The following MAP2K5 variants were observed in gnomAD, a reference collection of about 807,000 sequenced individuals.
MAP2K5 encodes the protein dual specificity mitogen-activated protein kinase kinase 5.
A neutral mutation model predicts 83.1 loss-of-function variants in MAP2K5; 49 were observed. That is an observed-to-expected ratio of 0.59 (90% CI 0.47 to 0.75). The LOEUF (loss-of-function observed/expected upper bound fraction) is 0.75, where lower values mean the gene tolerates loss of function less well. Ranked by LOEUF, MAP2K5 falls within the 30% of genes least tolerant of loss-of-function variation. The probability of loss-of-function intolerance (pLI) is 0.00; values close to 1 mark genes in which losing one functional copy is unlikely to be tolerated. For synonymous variants in MAP2K5, 202 were observed against 191.8 expected, an observed-to-expected ratio of 1.05 and a Z score of -0.44; for missense variants, 457 against 557.5, an observed-to-expected ratio of 0.82 and a Z score of 1.82.
chr15:67,707,247 G>A (rs2088578581), intron 16 of MAP2K5, among the ~76,000 whole-genome samples: 1 of 152,086 alleles, frequency 6.6e-6, no homozygotes, highest in African/African-American at 2.4e-5. Context: ...TCAATATAAT[G>A]AGAACATTAC....
At chr15:67,590,689 A>C (rs1229657496) in intron 6 of MAP2K5, among the ~76,000 whole-genome samples, 1 of 151,990 alleles carries the variant, frequency 6.6e-6, no homozygotes, top group Middle Eastern at 3.2e-3. Context: ...CCTGGGCTCA[A>C]GCGATCCTCC....
intron 6 of MAP2K5, among the ~76,000 whole-genome samples, chr15:67,589,337 C>G (rs1485547010): frequency 6.6e-6 from 1 of 152,012 alleles, no homozygotes; most frequent in Non-Finnish European, 1.5e-5. Context: ...CTCTATTACT[C>G]TCAAAGCATG....
rs572828482 is a variant in MAP2K5 at position 67,636,910 on chromosome 15, G to A, written c.585+5983G>A. ...AGGCAGACCCACCTGCAATCTGGGTGGGCACCATCTAATCAGCTGCCAGTG... is the reference window on the plus strand; with the variant it reads ...AGGCAGACCCACCTGCAATCTGGGTAGGCACCATCTAATCAGCTGCCAGTG... On this transcript the variant is annotated intron_variant, in intron 9 of 21. Coordinates refer to ENST00000178640, the MANE Select transcript of MAP2K5 (RefSeq NM_145160.3). This position sits in a 1 kb window ranked among gnomAD's most constrained non-coding sequence, Gnocchi z 4.7. Among the ~76,000 whole-genome samples the A allele has an allele frequency of 1.3e-5, 2 of 152,258 alleles. No homozygotes were observed. The highest frequency in any genetic ancestry group is 4.8e-5 in the African/African-American group (2 of 41,546).
In MAP2K5 at chr15:67,640,628, G is replaced by T. The variant is rs2086690816; in HGVS notation, c.586-5603G>T. 1.0e-6 allele frequency: 1 copy of T among 981,332 alleles called. No individual in the cohort carries two copies. The highest frequency in any genetic ancestry group is 1.2e-6 in the Non-Finnish European group (1 of 826,280). The allele number at this position is 981,332 out of a possible 1,614,324, so 60.8% of individuals were successfully genotyped here. A position where few individuals can be genotyped will look rare whatever the true frequency, so the allele number is the denominator to read the frequency against. On this transcript the variant is annotated intron_variant, in intron 9 of 21. Transcript: ENST00000178640. This position sits in a 1 kb window ranked among gnomAD's most constrained non-coding sequence, Gnocchi z 4.6. ...TTTAATTTTCCAAGCAAAGTGGTCA[G>T]TTGGACCCACACTTTGAATGTCTAT...
intron 8 of MAP2K5, among the ~76,000 whole-genome samples, chr15:67,605,160 C>T (rs934170541): frequency 6.6e-6 from 1 of 151,262 alleles, no homozygotes; most frequent in Non-Finnish European, 1.5e-5. Context: ...TCAAGTGATT[C>T]TCCTGCCTCA....
intron 12 of MAP2K5, among the ~76,000 whole-genome samples, chr15:67,661,249 G>T (rs188940246): frequency 3.8e-4 from 58 of 152,044 alleles, no homozygotes; most frequent in Middle Eastern, 3.4e-3. Flanking sequence ...TTTGAATCTG[G>T]TCTTCTATAA....
At position 67,573,976 on chromosome 15, in the gene MAP2K5, C is replaced by G. The variant is rs966507452; in HGVS notation, c.253-6778C>G. Reference sequence around the variant, plus strand: ...TCCTCCTCTTGCTTTTGGGAACACCCAGCTCTGACTGGGTTTATTGGTGGA... The same window carrying G: ...TCCTCCTCTTGCTTTTGGGAACACCGAGCTCTGACTGGGTTTATTGGTGGA... On this transcript the variant is annotated intron_variant, in intron 3 of 21. Coordinates refer to ENST00000178640, the MANE Select transcript of MAP2K5 (RefSeq NM_145160.3). The surrounding 1 kb of genome is among the most constrained non-coding windows in gnomAD (Gnocchi z 4.2). Among the ~76,000 whole-genome samples the G allele has an allele frequency of 1.3e-5, 2 of 152,168 alleles. No homozygotes were observed. The highest frequency in any genetic ancestry group is 4.8e-5 in the African/African-American group (2 of 41,442).
Position 67,796,509 on chromosome 15 carries a change from T to C in MAP2K5, c.1243-10137T>C, listed in dbSNP as rs149804924. On this transcript the variant is annotated intron_variant, in intron 21 of 21. Transcript: ENST00000178640. ...GGTAGTGGGGAGGTGCCACACACTTTTAAAGGATCAGATCTTGTGAGAACT... is the reference window on the plus strand; with the variant it reads ...GGTAGTGGGGAGGTGCCACACACTTCTAAAGGATCAGATCTTGTGAGAACT... Among the ~76,000 whole-genome samples, 73 of 152,288 alleles carry C rather than the reference T, an allele frequency of 4.8e-4. No individual in the cohort carries two copies. In the East Asian group the frequency reaches 0.014, roughly 29 times the overall value.
chr15:67,554,522 G>A (rs1342675728), intron 2 of MAP2K5, among the ~76,000 whole-genome samples: 1 of 152,178 alleles, frequency 6.6e-6, no homozygotes, highest in Non-Finnish European at 1.5e-5. Flanking sequence ...TTGAGTGAGT[G>A]GAAAAGAGGG....
At chr15:67,678,157 C>G (rs2087724620) in intron 13 of MAP2K5, among the ~76,000 whole-genome samples, 2 of 152,094 alleles carry the variant, frequency 1.3e-5, no homozygotes, top group African/African-American at 4.8e-5. Context: ...AGAATGCAGT[C>G]CCCAATAAAT....
Position 67,543,401 on chromosome 15 carries a change from G to C in MAP2K5, c.66G>C (p.Lys22Asn). ...MENQVLVIRIKIPNSGAVDWT... is the reference protein window; with the variant it reads ...MENQVLVIRINIPNSGAVDWT... ...ACCAGGTGCTGGTAATTCGCATCAAGATCCCAAATAGTGGCGCGGTGGACT... is the reference window on the plus strand; with the variant it reads ...ACCAGGTGCTGGTAATTCGCATCAACATCCCAAATAGTGGCGCGGTGGACT... The change falls in exon 1 of 22, where the codon AAG becomes AAC. Residue 22 changes from lysine to asparagine, a missense_variant. This residue lies in a region of MAP2K5 where 234 missense variants were observed against 243.6 expected (regional missense o/e 0.96). Transcript: ENST00000178640. The surrounding 1 kb of genome is among the most constrained non-coding windows in gnomAD (Gnocchi z 4.3). 6.2e-7 allele frequency: 1 copy of C among 1,614,158 alleles called. No individual in the cohort carries two copies. Among genetic ancestry groups the C allele is most frequent in the Non-Finnish European group, 8.5e-7 (1 of 1,180,030 alleles).
chr15:67,689,241 T>C (rs1422376016), intron 13 of MAP2K5, among the ~76,000 whole-genome samples: 15 of 152,184 alleles, frequency 9.9e-5, no homozygotes, highest in Admixed American at 9.2e-4. Context: ...CATACATGCA[T>C]ACATACATTA....
rs1022251867 is a variant in MAP2K5 at position 67,755,276 on chromosome 15, CTTTTAGAAGCT to C, written c.1134+6682_1134+6692del. Among the ~76,000 whole-genome samples, 1 of 152,154 alleles carries C rather than the reference CTTTTAGAAGCT, an allele frequency of 6.6e-6. No homozygotes were observed. Among genetic ancestry groups the C allele is most frequent in the Admixed American group, 6.5e-5 (1 of 15,274 alleles). On this transcript the variant is annotated intron_variant, in intron 19 of 21. Transcript: ENST00000178640. This position sits in a 1 kb window ranked among gnomAD's most constrained non-coding sequence, Gnocchi z 4.7. ...TACAGGTGTGAGCCACCACTCCTGG[CTTTTAGAAGCT>C]TTTTAGTAACATTGTTATAAAGTAG...
At position 67,724,968 on chromosome 15, in the gene MAP2K5, T is replaced by C. The variant is rs150326900; in HGVS notation, c.1045-2948T>C. Among the ~76,000 whole-genome samples, 8 of 152,346 alleles carry C rather than the reference T, an allele frequency of 5.3e-5. No individual in the cohort carries two copies. The East Asian group carries it at 1.4e-3, about 26-fold the overall frequency. On this transcript the variant is annotated intron_variant, in intron 16 of 21. Transcript: ENST00000178640. The surrounding 1 kb of genome is among the most constrained non-coding windows in gnomAD (Gnocchi z 4.4). Reference sequence around the variant, plus strand: ...AGAACCATTCTCTGTCTTCTAACTCTAAAGAGGTCAGACCTGCAAGATGTC... The same window carrying C: ...AGAACCATTCTCTGTCTTCTAACTCCAAAGAGGTCAGACCTGCAAGATGTC...
At chr15:67,602,798 C>T (rs1456442292) in intron 8 of MAP2K5, among the ~76,000 whole-genome samples, 9 of 152,138 alleles carry the variant, frequency 5.9e-5, no homozygotes, top group African/African-American at 1.2e-4. Flanking sequence ...GGATTACAGG[C>T]GTACGCCACC....
At chr15:67,631,032 G>A (rs1475635951) in intron 9 of MAP2K5, 105 bp downstream of exon 9, 4 of 841,958 alleles carry the variant, frequency 4.8e-6, no homozygotes, top group Non-Finnish European at 7.6e-6. Context: ...AATGGCTTAA[G>A]GTTTAGATGG....
At chr15:67,713,857 G>A (rs2088760606) in intron 16 of MAP2K5, among the ~76,000 whole-genome samples, 1 of 152,138 alleles carries the variant, frequency 6.6e-6, no homozygotes, top group Non-Finnish European at 1.5e-5. Context: ...TTAGATTCAA[G>A]GGCTGTTATC....
intron 2 of MAP2K5, among the ~76,000 whole-genome samples, chr15:67,560,307 G>A (rs11632776): frequency 0.41 from 61,625 of 152,062 alleles, 13,679 homozygotes; most frequent in Non-Finnish European, 0.51. Context: ...CTTCTCATGG[G>A]TATGGTTACT....
chr15:67,770,440 A>G lies in MAP2K5; in HGVS notation c.1196+777A>G, dbSNP rs1402452201. Among the ~76,000 whole-genome samples the G allele has an allele frequency of 1.3e-5, 2 of 152,134 alleles. No homozygotes were observed. The highest frequency in any genetic ancestry group is 2.9e-5 in the Non-Finnish European group (2 of 68,040). Reference sequence around the variant, plus strand: ...ATTCCTCTGCCCTCTCCCTCACTCCAGCACAGAGAATTACCTAGGAGAGAG... The same window carrying G: ...ATTCCTCTGCCCTCTCCCTCACTCCGGCACAGAGAATTACCTAGGAGAGAG... On this transcript the variant is annotated intron_variant, in intron 20 of 21. Transcript: ENST00000178640. This position sits in a 1 kb window ranked among gnomAD's most constrained non-coding sequence, Gnocchi z 5.0.
Sources: gnomAD v4.1 joint callset for allele counts (sites outside exome capture counted in the v4.1 genomes callset) on GRCh38, gnomAD v4.1.1 for gene constraint, gnomAD v4.1.1 regional missense constraint, Gnocchi (gnomAD v3.1) non-coding constraint, MANE v1.5 for transcripts, NCBI Gene and HGNC (gene_info 2026-07-23, HGNC 2026-07-21) for gene names.